The following SULT2B1 variants were observed in gnomAD, a reference collection of about 807,000 sequenced individuals.
SULT2B1 encodes sulfotransferase family 2B member 1.
In SULT2B1, 16 loss-of-function variants were observed where a neutral mutation model predicts 33.2. The ratio of observed to expected loss-of-function variants is 0.48; its 90% CI spans 0.33 to 0.73. SULT2B1 has a LOEUF of 0.73. Ranked by LOEUF, SULT2B1 falls within the 30% of genes least tolerant of loss-of-function variation. The probability of loss-of-function intolerance (pLI) is 0.02; values close to 1 mark genes in which losing one functional copy is unlikely to be tolerated. For missense variants in SULT2B1, 500 were observed against 506.0 expected (o/e 0.99, Z 0.11); for synonymous variants, 186 against 200.5 (o/e 0.93, Z 0.61).
chr19:48,580,896 C>T (rs1315457967), intron 2 of SULT2B1, among the ~76,000 whole-genome samples: 1 of 151,974 alleles, frequency 6.6e-6, no homozygotes, highest in Non-Finnish European at 1.5e-5. Context: ...GCCACTGTGC[C>T]TGGCCAGTTT....
chr19:48,599,085 C>A lies in SULT2B1; in HGVS notation c.827-50C>A, dbSNP rs1028511889. 1.3e-5 allele frequency: 20 copies of A among 1,534,772 alleles called. No individual in the cohort carries two copies. In the Admixed American group the frequency reaches 3.6e-4, roughly 28 times the overall value. On this transcript the variant is annotated intron_variant, in intron 6 of 6. Transcript: ENST00000201586. The surrounding 1 kb of genome is among the most constrained non-coding windows in gnomAD (Gnocchi z 4.1). Reference sequence around the variant, plus strand: ...GTTGCTGGAATGTTGGAGGTAGGGGCGCAGTGCTCCCCAGAGGCTCCTCAC... The same window carrying A: ...GTTGCTGGAATGTTGGAGGTAGGGGAGCAGTGCTCCCCAGAGGCTCCTCAC...
rs755251687 is a variant in SULT2B1, at chr19:48,596,714, G to A, written c.646-25G>A. The A allele has an allele frequency of 2.7e-5, 42 of 1,575,794 alleles. No homozygotes were observed. The East Asian group carries it at 3.6e-4, about 14-fold the overall frequency. ...TTCCTTGGCCGAGTGCCCTCCCTCCGCTGACCCCTCTCCCCTGCCTGCAGG... is the reference window on the plus strand; with the variant it reads ...TTCCTTGGCCGAGTGCCCTCCCTCCACTGACCCCTCTCCCCTGCCTGCAGG... On this transcript the variant is annotated intron_variant, in intron 5 of 6. Transcript: ENST00000201586.
At chr19:48,565,207 T>C (rs112974072) in intron 1 of SULT2B1, among the ~76,000 whole-genome samples, 3 of 152,074 alleles carry the variant, frequency 2.0e-5, no homozygotes, top group African/African-American at 7.2e-5. Context: ...ATTACAGGCA[T>C]GAGTCACGGT....
chr19:48,597,564 C>T (rs1421640703), intron 6 of SULT2B1, among the ~76,000 whole-genome samples: 3 of 151,872 alleles, frequency 2.0e-5, no homozygotes, highest in Non-Finnish European at 4.4e-5. Flanking sequence ...AGGATGGTCT[C>T]AATCTCCTGA....
intron 6 of SULT2B1, among the ~76,000 whole-genome samples, chr19:48,597,985 G>C (rs1166274076): frequency 6.6e-6 from 1 of 152,020 alleles, no homozygotes; most frequent in Non-Finnish European, 1.5e-5. Flanking sequence ...AGGGACCCAG[G>C]TGATGACACT....
chr19:48,560,579 T>A (rs1206450352), intron 1 of SULT2B1, among the ~76,000 whole-genome samples: 1 of 151,812 alleles, frequency 6.6e-6, no homozygotes, highest in African/African-American at 2.4e-5. Context: ...GCCACCTTTT[T>A]AAAAAAACAA....
chr19:48,559,761 G>A (rs766897347), intron 1 of SULT2B1, among the ~76,000 whole-genome samples: 1 of 152,106 alleles, frequency 6.6e-6, no homozygotes, highest in Admixed American at 6.5e-5. Flanking sequence ...GGTGTGGCCA[G>A]TTACTTACGT....
intron 1 of SULT2B1, 144 bp from the exon 2 acceptor site, chr19:48,575,797 T>C (rs1012043319): frequency 2.8e-5 from 40 of 1,420,834 alleles, no homozygotes; most frequent in South Asian, 2.9e-5. Context: ...ATAAAGTTTA[T>C]AGGGACAGTG....
At chr19:48,566,017 A>G (rs74574000) in intron 1 of SULT2B1, among the ~76,000 whole-genome samples, 25,126 of 151,142 alleles carry the variant, frequency 0.17, 2,407 homozygotes, top group East Asian at 0.36. Flanking sequence ...GGTTCAAGTG[A>G]TTCTCCCACC....
At chr19:48,557,561 A>C (rs906530318) in intron 1 of SULT2B1, among the ~76,000 whole-genome samples, 1 of 151,932 alleles carries the variant, frequency 6.6e-6, no homozygotes. Context: ...AAAGAAATTT[A>C]ATATGTGTTC....
At chr19:48,588,182 C>T (rs1156439618) in intron 3 of SULT2B1, among the ~76,000 whole-genome samples, 1 of 146,850 alleles carries the variant, frequency 6.8e-6, no homozygotes, top group African/African-American at 2.6e-5. Context: ...TGCACTCCAG[C>T]CTGGGAGACA....
At chr19:48,563,135 G>C (rs543170810) in intron 1 of SULT2B1, among the ~76,000 whole-genome samples, 65 of 152,068 alleles carry the variant, frequency 4.3e-4, no homozygotes, top group African/African-American at 1.5e-3. Flanking sequence ...AGCTGATTTT[G>C]AACTCCCGGG....
rs116204657 is a variant in SULT2B1, at chr19:48,576,665, G to A, written c.214+582G>A. Among the ~76,000 whole-genome samples, 1,132 of 124,948 alleles carry A rather than the reference G, an allele frequency of 9.1e-3. 16 individuals carry two copies. Among genetic ancestry groups the A allele is most frequent in the African/African-American group, 0.034 (1,079 of 31,866 alleles). The allele number at this position is 124,948 out of a possible 152,430, so 82.0% of individuals were successfully genotyped here. ...CTTTTTTTTTTTTTTTTTTTTTGGAGGTCTTGCTCTGCTGCCCAGGCTTCA... is the reference window on the plus strand; with the variant it reads ...CTTTTTTTTTTTTTTTTTTTTTGGAAGTCTTGCTCTGCTGCCCAGGCTTCA... On this transcript the variant is annotated intron_variant, in intron 2 of 6. Coordinates refer to ENST00000201586, the MANE Select transcript of SULT2B1 (RefSeq NM_177973.2).
chr19:48,583,943 C>G (rs1973528576), intron 2 of SULT2B1, among the ~76,000 whole-genome samples: 1 of 152,126 alleles, frequency 6.6e-6, no homozygotes, highest in South Asian at 2.1e-4. Context: ...GAAACCCTGT[C>G]TCTACTAAAA....
chr19:48,570,731 T>TTG (rs1555732543), intron 1 of SULT2B1, among the ~76,000 whole-genome samples: 1 of 19,822 alleles, frequency 5.0e-5, no homozygotes, highest in Non-Finnish European at 1.2e-4. Context: ...TTTGTTTTTG[T>TTG]TTTTTTTTTC....
chr19:48,585,065 A>AG, intron 2 of SULT2B1, among the ~76,000 whole-genome samples: 1 of 150,666 alleles, frequency 6.6e-6, no homozygotes, highest in East Asian at 2.0e-4. Context: ...AAAAAAAAAA[A>AG]AAAAAAAGCT....
At position 48,599,220 on chromosome 19, in the gene SULT2B1, G is replaced by A. The variant is rs142168444; in HGVS notation, c.912G>A (p.Met304Ile). Residue 304 changes from methionine (M) to isoleucine (I), a missense_variant, in exon 7 of 7, where the codon ATG becomes ATA. Met to Ile is a conservative substitution (Grantham distance 10). Coordinates refer to ENST00000201586, the MANE Select transcript of SULT2B1 (RefSeq NM_177973.2). The surrounding 1 kb of genome is among the most constrained non-coding windows in gnomAD (Gnocchi z 4.1). ...DRAYRKQMRGMPTFPWDEDPE... is the reference protein window; with the variant it reads ...DRAYRKQMRGIPTFPWDEDPE... ...CCTACCGCAAGCAGATGCGGGGGATGCCGACCTTCCCCTGGGATGAAGACC... is the reference window on the plus strand; with the variant it reads ...CCTACCGCAAGCAGATGCGGGGGATACCGACCTTCCCCTGGGATGAAGACC... 6.4e-4 allele frequency: 1,021 copies of A among 1,607,624 alleles called. 1 individual carries two copies. Among genetic ancestry groups the A allele is most frequent in the Middle Eastern group, 4.1e-3 (25 of 6,050 alleles).
intron 5 of SULT2B1, among the ~76,000 whole-genome samples, chr19:48,593,668 C>A (rs1217329834): frequency 2.0e-5 from 3 of 151,434 alleles, no homozygotes; most frequent in Non-Finnish European, 4.4e-5. Context: ...GAGTTTCGCT[C>A]TTGTGGCCCA....
At chr19:48,598,656 G>A (rs1031344760) in intron 6 of SULT2B1, among the ~76,000 whole-genome samples, 4 of 152,082 alleles carry the variant, frequency 2.6e-5, no homozygotes, top group Non-Finnish European at 4.4e-5. Flanking sequence ...TCAGCAAATT[G>A]TTTGCAAGCC....
Sources: allele counts gnomAD v4.1 joint callset (sites outside exome capture counted in the v4.1 genomes callset), GRCh38; gene constraint gnomAD v4.1.1; non-coding constraint Gnocchi (gnomAD v3.1); transcripts MANE v1.5; gene names NCBI Gene and HGNC (gene_info 2026-07-23, HGNC 2026-07-21).